The following PCDHGA8 variants were observed in gnomAD, a reference collection of about 807,000 sequenced individuals.
PCDHGA8 encodes the protein protocadherin gamma subfamily A, 8.
PCDHGA8 carries 45 observed loss-of-function variants against 59.2 expected under a neutral mutation model. The ratio of observed to expected loss-of-function variants is 0.76; its 90% CI spans 0.60 to 0.98. The LOEUF (loss-of-function observed/expected upper bound fraction) is 0.98, where lower values mean the gene tolerates loss of function less well. PCDHGA8 is among the 50% of genes least tolerant of loss of function. PCDHGA8 has a pLI of 0.00. For synonymous variants in PCDHGA8, 531 were observed against 519.0 expected (o/e 1.02, Z -0.32); for missense variants, 1,257 against 1,196.2 (o/e 1.05, Z -0.75).
chr5:141,457,233 T>G (rs1038193595), intron 1 of PCDHGA8, among the ~76,000 whole-genome samples: 9 of 152,208 alleles, frequency 5.9e-5, no homozygotes, highest in African/African-American at 2.2e-4. Flanking sequence ...AATTTCCATC[T>G]AAAATTTTAC....
intron 1 of PCDHGA8, chr5:141,468,401 C>G (rs943048252): frequency 6.7e-6 from 1 of 149,126 alleles, no homozygotes; most frequent in Non-Finnish European, 1.5e-5. Flanking sequence ...TTGGTGAGAA[C>G]TAATAATAAG....
In PCDHGA8 at chr5:141,400,247, T is replaced by C; in HGVS notation, c.2424+5010T>C. 1 of 1,614,050 alleles carries C rather than the reference T, an allele frequency of 6.2e-7. No homozygotes were observed. Among genetic ancestry groups the C allele is most frequent in the East Asian group, 2.2e-5 (1 of 44,884 alleles). ...TTCCTCCTGGCCGTGATTCTGGCCG[T>C]TGCCTTGCGCCTGCGACGCTCCTCC... On this transcript the variant is annotated intron_variant, in intron 1 of 3. Transcript: ENST00000398604.
In PCDHGA8 at chr5:141,431,371, A is replaced by G. The variant is rs2097366432; in HGVS notation, c.2424+36134A>G. The G allele has an allele frequency of 6.2e-7, 1 of 1,613,998 alleles. No individual in the cohort carries two copies. The highest frequency in any genetic ancestry group is 8.5e-7 in the Non-Finnish European group (1 of 1,180,038). ...TGAAACGCGCCCTGGACCGCGAAGA[A>G]AAGGCTGCTCACCACCTGGTCCTTA... On this transcript the variant is annotated intron_variant, in intron 1 of 3. Transcript: ENST00000398604. The surrounding 1 kb of genome is among the most constrained non-coding windows in gnomAD (Gnocchi z 4.8).
At chr5:141,423,707 G>A in intron 1 of PCDHGA8, 1 of 1,164,238 alleles carries the variant, frequency 8.6e-7, no homozygotes, top group Non-Finnish European at 1.1e-6. Flanking sequence ...CTTGGCACAA[G>A]TCTTTTAAGG....
At position 141,432,009 on chromosome 5, in the gene PCDHGA8, G is replaced by T. The variant is rs1227754190; in HGVS notation, c.2424+36772G>T. ...GTCTTGGATAGGGAACAGGTTCCTAGCTACAACATCACAGTGACCGCCACT... is the reference window on the plus strand; with the variant it reads ...GTCTTGGATAGGGAACAGGTTCCTATCTACAACATCACAGTGACCGCCACT... On this transcript the variant is annotated intron_variant, in intron 1 of 3. Transcript: ENST00000398604. The surrounding 1 kb of genome is among the most constrained non-coding windows in gnomAD (Gnocchi z 6.0). 1 of 1,614,070 alleles carries T rather than the reference G, an allele frequency of 6.2e-7. No homozygotes were observed. The highest frequency in any genetic ancestry group is 8.5e-7 in the Non-Finnish European group (1 of 1,180,032).
At chr5:141,424,945 C>A (rs2096849463) in intron 1 of PCDHGA8, among the ~76,000 whole-genome samples, 1 of 152,186 alleles carries the variant, frequency 6.6e-6, no homozygotes, top group Admixed American at 6.5e-5. Flanking sequence ...TCTCACATCA[C>A]TTCTAGGTAT....
chr5:141,489,894 G>A lies in PCDHGA8; in HGVS notation c.2425-4913G>A, dbSNP rs942456058. 33 of 1,614,204 alleles carry A rather than the reference G, an allele frequency of 2.0e-5. No individual in the cohort carries two copies. The highest frequency in any genetic ancestry group is 2.4e-5 in the Non-Finnish European group (28 of 1,180,028). Reference sequence around the variant, plus strand: ...TGGTGCTTACTGCTGTGGATGGGGGGACCCCAGCCCGCTCAGGGACCACCC... The same window carrying A: ...TGGTGCTTACTGCTGTGGATGGGGGAACCCCAGCCCGCTCAGGGACCACCC... On this transcript the variant is annotated intron_variant, in intron 1 of 3. Coordinates refer to ENST00000398604, the MANE Select transcript of PCDHGA8 (RefSeq NM_032088.2). This position sits in a 1 kb window ranked among gnomAD's most constrained non-coding sequence, Gnocchi z 4.5.
chr5:141,420,191 CAAGAT>C, intron 1 of PCDHGA8: 1 of 1,613,720 alleles, frequency 6.2e-7, no homozygotes, highest in Non-Finnish European at 8.5e-7. Context: ...TCCAGCCACA[CAAGAT>C]AACCTCAACA....
intron 1 of PCDHGA8, among the ~76,000 whole-genome samples, chr5:141,429,826 C>T (rs1211415098): frequency 2.6e-5 from 4 of 152,054 alleles, no homozygotes; most frequent in Non-Finnish European, 4.4e-5. Context: ...GGTCAGTTAC[C>T]CAGGAAAAGG....
rs765818637 is a variant in PCDHGA8 at position 141,409,918 on chromosome 5, C to T, written c.2424+14681C>T. ...ACCCAGCTCTGGGTCCTGACGGCTC[C>T]GCGTTCTTCGATATGGTACCTCGCT... On this transcript the variant is annotated intron_variant, in intron 1 of 3. Coordinates refer to ENST00000398604, the MANE Select transcript of PCDHGA8 (RefSeq NM_032088.2). 1.9e-6 allele frequency: 3 copies of T among 1,613,222 alleles called. No individual in the cohort carries two copies. In the African/African-American group the frequency reaches 4.0e-5, roughly 22 times the overall value.
At chr5:141,452,854 A>G (rs137963870) in intron 1 of PCDHGA8, among the ~76,000 whole-genome samples, 109 of 152,264 alleles carry the variant, frequency 7.2e-4, no homozygotes, top group African/African-American at 2.5e-3. Flanking sequence ...CTCTGGGGAG[A>G]TGATTTTCTA....
chr5:141,410,186 C>G, intron 1 of PCDHGA8: 1 of 1,613,940 alleles, frequency 6.2e-7, no homozygotes, highest in Non-Finnish European at 8.5e-7. Flanking sequence ...CACGCTTCAT[C>G]TGGTCTTCGC....
chr5:141,429,487 C>G (rs2097218311), intron 1 of PCDHGA8, among the ~76,000 whole-genome samples: 1 of 151,822 alleles, frequency 6.6e-6, no homozygotes, highest in Non-Finnish European at 1.5e-5. Flanking sequence ...GTAGCTGAGA[C>G]TACAGTTGCC....
At chr5:141,427,683 G>A (rs761750638) in intron 1 of PCDHGA8, 3 of 836,052 alleles carry the variant, frequency 3.6e-6, no homozygotes, top group South Asian at 2.8e-5. Flanking sequence ...CCTTCCCGGA[G>A]CCTCCATCCC....
intron 1 of PCDHGA8, chr5:141,396,593 C>T (rs940440050): frequency 6.0e-5 from 9 of 151,044 alleles, no homozygotes; most frequent in Non-Finnish European, 1.2e-4. Flanking sequence ...GCACTCCAGC[C>T]TGGGCAACAG....
In PCDHGA8 at chr5:141,489,291, C is replaced by A; in HGVS notation, c.2425-5516C>A. ...TCGCTGGGAAATGGCAAGTGCTGTG[C>A]ATGTTGTCCTTGTGCTGCTGGGGCT... is the stretch of plus-strand genomic sequence containing the variant. On this transcript the variant is annotated intron_variant, in intron 1 of 3. Transcript: ENST00000398604. This position sits in a 1 kb window ranked among gnomAD's most constrained non-coding sequence, Gnocchi z 4.5. 6.3e-7 allele frequency: 1 copy of A among 1,577,628 alleles called. No homozygotes were observed. The highest frequency in any genetic ancestry group is 8.6e-7 in the Non-Finnish European group (1 of 1,161,994).
rs1318511234 is a variant in PCDHGA8 at position 141,393,108 on chromosome 5, A to G, written c.295A>G (p.Ser99Gly). 3.7e-6 allele frequency: 6 copies of G among 1,613,438 alleles called. No homozygotes were observed. The highest frequency in any genetic ancestry group is 5.1e-6 in the Non-Finnish European group (6 of 1,179,910). ...AGATCGGGAGGAGCTCTGCGCTCAG[A>G]GCCCGCGGTGTCTGATAAATATTAA... ...RIDREELCAQ[S>G]PRCLININTL... The change falls in exon 1 of 4, where the codon AGC (serine) becomes GGC (glycine). Residue 99 changes from serine to glycine, a missense_variant. Coordinates refer to ENST00000398604, the MANE Select transcript of PCDHGA8 (RefSeq NM_032088.2).
rs191844335 is a variant in PCDHGA8 at position 141,394,289 on chromosome 5, C to G, written c.1476C>G (p.Thr492=). 4 of 1,613,954 alleles carry G rather than the reference C, an allele frequency of 2.5e-6. No individual in the cohort carries two copies. Among genetic ancestry groups the G allele is most frequent in the Admixed American group, 1.7e-5 (1 of 60,018 alleles). Residue 492 remains threonine (T), a synonymous_variant, in exon 1 of 4, where the codon ACC becomes ACG. Coordinates refer to ENST00000398604, the MANE Select transcript of PCDHGA8 (RefSeq NM_032088.2). ...QENAQVTYSV[T]EDTLQGAPLS... ...ATGCCCAGGTCACTTACTCTGTGAC[C>G]GAGGACACGCTGCAGGGGGCGCCCC...
rs2095943632 is a variant in PCDHGA8 at position 141,415,767 on chromosome 5, TTTTTTACTTTC to T, written c.2424+20532_2424+20542del. ...TTTTTTTTTTTTTTTTTTTTTTTTT[TTTTTTACTTTC>T]TGGTAAAATTCACCTAGTCTCAATC... is the stretch of plus-strand genomic sequence containing the variant. On this transcript the variant is annotated intron_variant, in intron 1 of 3. Transcript: ENST00000398604. 3.1e-6 allele frequency: 4 copies of T among 1,300,754 alleles called. No individual in the cohort carries two copies. The Admixed American group carries it at 1.4e-4, about 46-fold the overall frequency. The allele number at this position is 1,300,754 out of a possible 1,614,324, so 80.6% of individuals were successfully genotyped here.
Sources: allele counts gnomAD v4.1 joint callset (sites outside exome capture counted in the v4.1 genomes callset), GRCh38; gene constraint gnomAD v4.1.1; non-coding constraint Gnocchi (gnomAD v3.1); transcripts MANE v1.5; gene names NCBI Gene and HGNC (gene_info 2026-07-23, HGNC 2026-07-21).